Variants in COQ8A observed in about 807,000 individuals in gnomAD.
COQ8A encodes the protein coenzyme Q8A.
Under a neutral mutation model 65.0 loss-of-function variants are expected in COQ8A, and 51 were observed. The observed-to-expected ratio is 0.78, with a 90% CI of 0.63 to 0.99. The LOEUF (loss-of-function observed/expected upper bound fraction) is 0.99, where lower values mean the gene tolerates loss of function less well. Among genes scored for constraint, COQ8A ranks in the 50% least tolerant of loss-of-function variants. The pLI, the probability that COQ8A is intolerant of heterozygous loss-of-function variation, is 0.00. For synonymous variants in COQ8A, 371 were observed against 353.2 expected, an observed-to-expected ratio of 1.05 and a Z score of -0.57; for missense variants, 940 against 875.0, an observed-to-expected ratio of 1.07 and a Z score of -0.94.
In COQ8A at chr1:226,961,442, C is replaced by T. The variant is rs769650823; in HGVS notation, c.57C>T (p.Thr19=). 6 of 1,613,678 alleles carry T rather than the reference C, an allele frequency of 3.7e-6. No individual in the cohort carries two copies. The highest frequency in any genetic ancestry group is 4.2e-6 in the Non-Finnish European group (5 of 1,180,036). ...TGGCTAAAGGCCTTGTCAAGCTGACCCAGGCGGCCGTGGAAACCCACCTGC... is the reference window on the plus strand; with the variant it reads ...TGGCTAAAGGCCTTGTCAAGCTGACTCAGGCGGCCGTGGAAACCCACCTGC... ...IMVAKGLVKL[T]QAAVETHLQH... The change falls in exon 2 of 15, where the codon ACC becomes ACT. Residue 19 remains threonine (T), a synonymous_variant. Transcript: ENST00000366777.
At chr1:226,956,329 T>C (rs1350910749) in intron 1 of COQ8A, among the ~76,000 whole-genome samples, 1 of 111,900 alleles carries the variant, frequency 8.9e-6, no homozygotes, top group Admixed American at 8.7e-5. Flanking sequence ...CTCTCCCTGG[T>C]TCACACTCTC....
chr1:226,976,808 C>T (rs1290701162), intron 4 of COQ8A, among the ~76,000 whole-genome samples: 2 of 152,186 alleles, frequency 1.3e-5, no homozygotes, highest in Non-Finnish European at 2.9e-5. Flanking sequence ...CCACGGTCCT[C>T]AGATGTCAGT....
intron 1 of COQ8A, among the ~76,000 whole-genome samples, chr1:226,953,920 G>A (rs982316727): frequency 6.6e-6 from 1 of 152,228 alleles, no homozygotes; most frequent in Non-Finnish European, 1.5e-5. Flanking sequence ...ATTCTTGTGA[G>A]TCCTTGGAGG....
chr1:226,982,060 T>C lies in COQ8A; in HGVS notation c.764T>C (p.Leu255Pro). The C allele has an allele frequency of 6.2e-7, 1 of 1,612,942 alleles. No homozygotes were observed. The highest frequency in any genetic ancestry group is 8.5e-7 in the Non-Finnish European group (1 of 1,180,010). ...KKAVLGSSPF[L>P]SEANAERIVR... is the part of the protein sequence containing the mutation. ...GCCGTGCTGGGTTCCAGTCCTTTCC[T>C]GTCCGAGGCCAATGCAGAGCGGATC... The change falls in exon 6 of 15, where the codon CTG becomes CCG. Residue 255 changes from leucine (L) to proline (P), a missense_variant. Coordinates refer to ENST00000366777, the MANE Select transcript of COQ8A (RefSeq NM_020247.5).
chr1:226,943,265 T>C (rs1327545597), intron 1 of COQ8A, among the ~76,000 whole-genome samples: 1 of 152,262 alleles, frequency 6.6e-6, no homozygotes, highest in Non-Finnish European at 1.5e-5. Flanking sequence ...ACAAGAGCTG[T>C]GTGCAAAATT....
chr1:226,984,616 C>G lies in COQ8A; in HGVS notation c.1467C>G (p.Pro489=). The part of the protein sequence containing the change: ...LFEFHFMQTD[P]NWSNFFYDPQ... ...AGTTCCACTTCATGCAAACAGACCC[C>G]AACTGGTCCAACTTCTTCTATGACC... Residue 489 remains proline, a synonymous_variant, in exon 12 of 15, where the codon CCC becomes CCG. Coordinates refer to ENST00000366777, the MANE Select transcript of COQ8A (RefSeq NM_020247.5). 1 of 1,614,174 alleles carries G rather than the reference C, an allele frequency of 6.2e-7. No individual in the cohort carries two copies. The highest frequency in any genetic ancestry group is 8.5e-7 in the Non-Finnish European group (1 of 1,180,018).
chr1:226,954,312 G>A (rs1449799452), intron 1 of COQ8A, among the ~76,000 whole-genome samples: 1 of 152,254 alleles, frequency 6.6e-6, no homozygotes, highest in Non-Finnish European at 1.5e-5. Context: ...GGGTTTCAGG[G>A]GGAGACTCTT....
chr1:226,955,501 CCACTCCCTGGTTCA>C (rs1657644152), intron 1 of COQ8A, among the ~76,000 whole-genome samples: 1 of 126,026 alleles, frequency 7.9e-6, no homozygotes, highest in South Asian at 2.9e-4. Flanking sequence ...TCTCTGGCTG[CCACTCCCTGGTTCA>C]CACTCTCCCT....
At chr1:226,941,690 G>A (rs1249490760) in intron 1 of COQ8A, among the ~76,000 whole-genome samples, 5 of 151,670 alleles carry the variant, frequency 3.3e-5, no homozygotes, top group Non-Finnish European at 7.4e-5. Context: ...TGGGAGAATT[G>A]CTTGAACCTG....
chr1:226,957,554 G>A (rs1448633109), intron 1 of COQ8A, among the ~76,000 whole-genome samples: 1 of 152,132 alleles, frequency 6.6e-6, no homozygotes, highest in African/African-American at 2.4e-5. Flanking sequence ...TCATAGAGGA[G>A]ATGAGTGACA....
chr1:226,965,714 T>C lies in COQ8A; in HGVS notation c.632T>C (p.Ile211Thr). The change falls in exon 4 of 15, where the codon ATT (isoleucine) becomes ACT (threonine). Residue 211 changes from isoleucine to threonine, a missense_variant. Transcript: ENST00000366777. ...ARERKVPVTR[I>T]GRLANFGGLA... ...GAGCGGAAGGTGCCTGTGACGAGGATTGGCCGGCTGGCCAACTTCGGAGGT... is the reference window on the plus strand; with the variant it reads ...GAGCGGAAGGTGCCTGTGACGAGGACTGGCCGGCTGGCCAACTTCGGAGGT... 1 of 1,613,938 alleles carries C rather than the reference T, an allele frequency of 6.2e-7. No homozygotes were observed. The highest frequency in any genetic ancestry group is 8.5e-7 in the Non-Finnish European group (1 of 1,180,028).
At chr1:226,958,295 A>G (rs1027111836) in intron 1 of COQ8A, 5 of 152,248 alleles carry the variant, frequency 3.3e-5, no homozygotes, top group Non-Finnish European at 5.9e-5. Context: ...CATTAGGACC[A>G]GAAAAGGGGT....
intron 4 of COQ8A, among the ~76,000 whole-genome samples, chr1:226,970,435 A>C (rs532392169): frequency 8.5e-5 from 13 of 152,362 alleles, no homozygotes; most frequent in African/African-American, 2.9e-4. Flanking sequence ...TACTGTACTG[A>C]ATACAGTAGA....
intron 3 of COQ8A, 93 bp downstream of exon 3, chr1:226,965,503 G>C: frequency 6.5e-7 from 1 of 1,550,140 alleles, no homozygotes; most frequent in Non-Finnish European, 8.8e-7. Context: ...CCTGGGTGCT[G>C]TGGTCTGGGG....
chr1:226,966,898 C>T (rs374261591), intron 4 of COQ8A, among the ~76,000 whole-genome samples: 3 of 152,194 alleles, frequency 2.0e-5, no homozygotes, highest in East Asian at 3.9e-4. Context: ...ATGGCTGGCC[C>T]CCCTCTCCAA....
At chr1:226,966,227 G>A (rs1309198137) in intron 4 of COQ8A, among the ~76,000 whole-genome samples, 2 of 152,242 alleles carry the variant, frequency 1.3e-5, no homozygotes, top group Non-Finnish European at 2.9e-5. Flanking sequence ...CTCATGAGTG[G>A]AGTGACAAGA....
In COQ8A at chr1:226,965,711, G is replaced by A. The variant is rs1326341512; in HGVS notation, c.629G>A (p.Arg210Lys). ...HARERKVPVTRIGRLANFGGL... is the reference protein window; with the variant it reads ...HARERKVPVTKIGRLANFGGL... Reference sequence around the variant, plus strand: ...CGGGAGCGGAAGGTGCCTGTGACGAGGATTGGCCGGCTGGCCAACTTCGGA... The same window carrying A: ...CGGGAGCGGAAGGTGCCTGTGACGAAGATTGGCCGGCTGGCCAACTTCGGA... The change falls in exon 4 of 15, where the codon AGG becomes AAG. Residue 210 changes from arginine to lysine, a missense_variant. Arg to Lys is a conservative substitution (Grantham distance 26). Coordinates refer to ENST00000366777, the MANE Select transcript of COQ8A (RefSeq NM_020247.5). 5 of 1,613,896 alleles carry A rather than the reference G, an allele frequency of 3.1e-6. No homozygotes were observed. The highest frequency in any genetic ancestry group is 2.5e-6 in the Non-Finnish European group (3 of 1,180,056).
intron 1 of COQ8A, among the ~76,000 whole-genome samples, chr1:226,960,473 T>C (rs1658158827): frequency 3.7e-5 from 5 of 135,788 alleles, no homozygotes; most frequent in African/African-American, 1.1e-4. Flanking sequence ...TTGGTGGTGG[T>C]GGCAGTGGTA....
At chr1:226,977,854 C>G (rs1244219513) in intron 5 of COQ8A, among the ~76,000 whole-genome samples, 5 of 151,290 alleles carry the variant, frequency 3.3e-5, no homozygotes, top group Non-Finnish European at 7.4e-5. Flanking sequence ...ACACACAACC[C>G]CTGCACACCC....
Sources: gnomAD v4.1 joint callset for allele counts (sites outside exome capture counted in the v4.1 genomes callset) on GRCh38, gnomAD v4.1.1 for gene constraint, MANE v1.5 for transcripts, NCBI Gene and HGNC (gene_info 2026-07-23, HGNC 2026-07-21) for gene names.